The following DNAAF9 variants were observed in gnomAD, a reference collection of about 807,000 sequenced individuals.
The protein encoded by DNAAF9 is dynein axonemal assembly factor 9, also known as shulin.
Under a neutral mutation model 167.0 loss-of-function variants are expected in DNAAF9, and 90 were observed. That is an observed-to-expected ratio of 0.54 (90% CI 0.45 to 0.64). The LOEUF (loss-of-function observed/expected upper bound fraction) is 0.64, where lower values mean the gene tolerates loss of function less well. DNAAF9 is among the 30% of genes least tolerant of loss of function. DNAAF9 has a pLI of 0.00. For synonymous variants in DNAAF9, 491 were observed against 508.8 expected (o/e 0.96, Z 0.47); for missense variants, 1,315 against 1,442.2 (o/e 0.91, Z 1.43).
chr20:3,285,271 G>C (rs925576068), intron 27 of DNAAF9, among the ~76,000 whole-genome samples: 5 of 152,144 alleles, frequency 3.3e-5, no homozygotes, highest in Admixed American at 6.5e-5. Context: ...GCCAAGCCAG[G>C]CATGGTGGCT....
At position 3,251,033 on chromosome 20, in the gene DNAAF9, G is replaced by C. The variant is rs1230633985; in HGVS notation, c.*1539C>G. On this transcript the variant is annotated 3_prime_UTR_variant, in exon 37 of 37. Coordinates refer to ENST00000252032, the MANE Select transcript of DNAAF9 (RefSeq NM_001009984.3). Reference sequence around the variant, plus strand: ...TTCCACAGTGGGGCCCTTGTCATCAGTGGCTTTTGGAGCTGGGACTGGAGC... The same window carrying C: ...TTCCACAGTGGGGCCCTTGTCATCACTGGCTTTTGGAGCTGGGACTGGAGC... The C allele has an allele frequency of 6.6e-6, 1 of 152,228 alleles. No individual in the cohort carries two copies. Among genetic ancestry groups the C allele is most frequent in the Non-Finnish European group, 1.5e-5 (1 of 68,046 alleles). The allele number at this position is 152,228 out of a possible 1,614,324, so 9.4% of individuals were successfully genotyped here. A position where few individuals can be genotyped will look rare whatever the true frequency, so the allele number is the denominator to read the frequency against.
At chr20:3,326,375 T>C (rs944973755) in intron 12 of DNAAF9, 91 bp from the exon 13 acceptor site, 9 of 876,736 alleles carry the variant, frequency 1.0e-5, no homozygotes, top group Middle Eastern at 2.3e-4. Flanking sequence ...CCTAAGAAAC[T>C]GATTTTTAAA....
chr20:3,255,192 G>C (rs1055259007), intron 35 of DNAAF9, 27 bp downstream of exon 35: 1 of 1,482,436 alleles, frequency 6.7e-7, no homozygotes, highest in African/African-American at 1.4e-5. Context: ...GGGCCACCGA[G>C]GGGAGAAGCC....
intron 8 of DNAAF9, among the ~76,000 whole-genome samples, chr20:3,344,834 T>C (rs1381699166): frequency 6.6e-6 from 1 of 152,142 alleles, no homozygotes; most frequent in Non-Finnish European, 1.5e-5. Context: ...GCCTATGAAA[T>C]GGTTTCAATA....
At chr20:3,265,916 G>T (rs939852480) in intron 30 of DNAAF9, among the ~76,000 whole-genome samples, 8 of 152,088 alleles carry the variant, frequency 5.3e-5, no homozygotes, top group Non-Finnish European at 8.8e-5. Flanking sequence ...CTGACCCCAG[G>T]TGATCCGCCT....
intron 21 of DNAAF9, among the ~76,000 whole-genome samples, chr20:3,302,289 G>A (rs1270717441): frequency 6.6e-6 from 1 of 151,918 alleles, no homozygotes; most frequent in Non-Finnish European, 1.5e-5. Flanking sequence ...ACATATTTAT[G>A]GGGTATAATA....
intron 6 of DNAAF9, among the ~76,000 whole-genome samples, chr20:3,367,761 T>C (rs2083448566): frequency 6.6e-6 from 1 of 151,836 alleles, no homozygotes; most frequent in Admixed American, 6.6e-5. Flanking sequence ...TCATCATGGA[T>C]TATCATAACA....
At chr20:3,340,205 T>C (rs565218621) in intron 10 of DNAAF9, among the ~76,000 whole-genome samples, 6 of 152,228 alleles carry the variant, frequency 3.9e-5, no homozygotes, top group Non-Finnish European at 8.8e-5. Flanking sequence ...ATTTTAAAAA[T>C]TCTATTGACA....
intron 1 of DNAAF9, among the ~76,000 whole-genome samples, chr20:3,398,604 T>C (rs1348622961): frequency 6.6e-6 from 1 of 152,212 alleles, no homozygotes; most frequent in African/African-American, 2.4e-5. Flanking sequence ...GTATGGTATA[T>C]ACAAATGTTC....
At chr20:3,314,308 G>A (rs2069464491) in intron 20 of DNAAF9, among the ~76,000 whole-genome samples, 1 of 152,164 alleles carries the variant, frequency 6.6e-6, no homozygotes. Flanking sequence ...GGGGGGCAGA[G>A]GGTGGGCTGG....
chr20:3,265,674 CTTT>C (rs1255778177), intron 30 of DNAAF9, among the ~76,000 whole-genome samples: 1 of 137,114 alleles, frequency 7.3e-6, no homozygotes. Flanking sequence ...AGATACATTC[CTTT>C]TTTTTTTTTT....
At chr20:3,275,742 T>C (rs574766959) in intron 29 of DNAAF9, among the ~76,000 whole-genome samples, 12 of 152,332 alleles carry the variant, frequency 7.9e-5, no homozygotes, top group African/African-American at 2.6e-4. Flanking sequence ...CCTTCTGTTC[T>C]GTATCAAGGA....
intron 20 of DNAAF9, among the ~76,000 whole-genome samples, chr20:3,306,180 A>T (rs770990328): frequency 6.6e-6 from 1 of 152,130 alleles, no homozygotes; most frequent in Non-Finnish European, 1.5e-5. Flanking sequence ...CTGCACCCAG[A>T]ATGTCATGAC....
chr20:3,280,134 T>A (rs1168261251), intron 28 of DNAAF9, among the ~76,000 whole-genome samples: 3 of 152,166 alleles, frequency 2.0e-5, no homozygotes, highest in African/African-American at 7.2e-5. Context: ...AAAACCCATG[T>A]GCTATAAGCA....
intron 2 of DNAAF9, among the ~76,000 whole-genome samples, chr20:3,382,072 C>G (rs1463123328): frequency 1.3e-5 from 2 of 152,200 alleles, no homozygotes; most frequent in Non-Finnish European, 2.9e-5. Flanking sequence ...TTAAACAATA[C>G]TGTCTTCACT....
In DNAAF9 at chr20:3,336,258, G is replaced by GTTTT. The variant is rs367718705; in HGVS notation, c.982-3901_982-3898dup. On this transcript the variant is annotated intron_variant, in intron 10 of 36. Coordinates refer to ENST00000252032, the MANE Select transcript of DNAAF9 (RefSeq NM_001009984.3). ...TGCAGATTCACAGTTTTGCGTTTTT[G>GTTTT]TTTTTTTTTTTTTTTTTGCCAAATT... 3.3e-3 allele frequency among the ~76,000 whole-genome samples: 380 copies of GTTTT among 113,504 alleles called. 13 individuals are homozygous for GTTTT. The highest frequency in any genetic ancestry group is 0.01 in the African/African-American group (305 of 29,282). 74.5% of individuals were successfully genotyped at this position (113,504 alleles called of 152,430 possible).
At chr20:3,365,119 C>T (rs1368263553) in intron 6 of DNAAF9, among the ~76,000 whole-genome samples, 1 of 151,748 alleles carries the variant, frequency 6.6e-6, no homozygotes, top group Non-Finnish European at 1.5e-5. Flanking sequence ...TATAGGTGCA[C>T]CATGATGCCA....
chr20:3,329,601 G>A (rs2069783059), intron 12 of DNAAF9, among the ~76,000 whole-genome samples: 1 of 152,082 alleles, frequency 6.6e-6, no homozygotes, highest in South Asian at 2.1e-4. Context: ...AACTTTGTGG[G>A]CCCTGCCCTA....
At chr20:3,329,588 T>C (rs2069782813) in intron 12 of DNAAF9, among the ~76,000 whole-genome samples, 1 of 152,236 alleles carries the variant, frequency 6.6e-6, no homozygotes, top group Admixed American at 6.5e-5. Flanking sequence ...TTTTTCCCAA[T>C]ACAACTTTGT....
Sources: allele counts gnomAD v4.1 joint callset (sites outside exome capture counted in the v4.1 genomes callset), GRCh38; gene constraint gnomAD v4.1.1; transcripts MANE v1.5; gene names NCBI Gene and HGNC (gene_info 2026-07-23, HGNC 2026-07-21).